The following RSPO3 variants were observed in gnomAD, a reference collection of about 807,000 sequenced individuals.
RSPO3 encodes the protein R-spondin 3.
In RSPO3, 17 loss-of-function variants were observed where a neutral mutation model predicts 36.5. The ratio of observed to expected loss-of-function variants is 0.47; its 90% CI spans 0.32 to 0.70. RSPO3 has a LOEUF of 0.70. Among genes scored for constraint, RSPO3 ranks in the 30% least tolerant of loss-of-function variants. The probability of loss-of-function intolerance (pLI) is 0.04; values close to 1 mark genes in which losing one functional copy is unlikely to be tolerated. For synonymous variants in RSPO3, 108 were observed against 107.0 expected (o/e 1.01, Z -0.06); for missense variants, 294 against 322.5 (o/e 0.91, Z 0.68).
intron 4 of RSPO3, among the ~76,000 whole-genome samples, chr6:127,174,986 T>C (rs1775021810): frequency 6.6e-6 from 1 of 151,714 alleles, no homozygotes; most frequent in African/African-American, 2.4e-5. Context: ...ACTTCTTTCA[T>C]TTATATCCCT....
intron 1 of RSPO3, among the ~76,000 whole-genome samples, chr6:127,130,907 G>A (rs1035292237): frequency 2.0e-5 from 3 of 151,976 alleles, no homozygotes; most frequent in Non-Finnish European, 2.9e-5. Flanking sequence ...TCCAAACATG[G>A]TATCCTTAGC....
chr6:127,149,452 C>T (rs1582795473), intron 2 of RSPO3, among the ~76,000 whole-genome samples: 1 of 152,028 alleles, frequency 6.6e-6, no homozygotes, highest in African/African-American at 2.4e-5. Context: ...CACCTCAAGC[C>T]TTTGCAATTG....
chr6:127,139,878 T>A (rs1280815382), intron 1 of RSPO3, among the ~76,000 whole-genome samples: 1 of 152,038 alleles, frequency 6.6e-6, no homozygotes, highest in Non-Finnish European at 1.5e-5. Flanking sequence ...TTCAGTACCT[T>A]ACATTTTACA....
In RSPO3 at chr6:127,150,523, C is replaced by T; in HGVS notation, c.387C>T (p.Cys129=). ...ACCTTGGAAAGTGCCTTGACAATTG[C>T]CCAGAAGGGTTGGAAGCCAACAACC... ...YLHLGKCLDN[C]PEGLEANNHT... The change falls in exon 3 of 5, where the codon TGC becomes TGT. Residue 129 remains cysteine, a synonymous_variant. Transcript: ENST00000356698. 1 of 1,611,946 alleles carries T rather than the reference C, an allele frequency of 6.2e-7. No individual in the cohort carries two copies. Among genetic ancestry groups the T allele is most frequent in the East Asian group, 2.2e-5 (1 of 44,756 alleles).
At chr6:127,167,766 C>G (rs1480575169) in intron 4 of RSPO3, among the ~76,000 whole-genome samples, 8 of 152,008 alleles carry the variant, frequency 5.3e-5, no homozygotes, top group Admixed American at 4.6e-4. Flanking sequence ...CCCCATCCCC[C>G]CATCCCACAA....
chr6:127,155,876 G>GTA (rs35711172), intron 4 of RSPO3, among the ~76,000 whole-genome samples: 1,857 of 148,154 alleles, frequency 0.013, 22 homozygotes, highest in African/African-American at 0.038. Flanking sequence ...GTAGCTAAGT[G>GTA]TATATATATA....
chr6:127,186,388 G>C (rs1452475611), intron 4 of RSPO3, among the ~76,000 whole-genome samples: 1 of 152,108 alleles, frequency 6.6e-6, no homozygotes, highest in Admixed American at 6.5e-5. Context: ...AGTCATGAGA[G>C]GAATATGTAA....
intron 1 of RSPO3, among the ~76,000 whole-genome samples, chr6:127,131,685 T>C (rs1421410270): frequency 6.6e-6 from 1 of 152,134 alleles, no homozygotes; most frequent in Non-Finnish European, 1.5e-5. Flanking sequence ...AGTTAATTTA[T>C]AAAACAGTGC....
At position 127,119,290 on chromosome 6, in the gene RSPO3, G is replaced by GT. The variant is rs1773785288; in HGVS notation, c.97+2dup. On this transcript the variant is annotated splice_donor_variant, in intron 1 of 4. Transcript: ENST00000356698. LOFTEE classifies it high-confidence loss of function. Reference sequence around the variant, plus strand: ...TCCCGGGGAAGGCGCCAGCGAAGAAGTAAGTGCAGGGTTTTTTACGCGTTT... The same window carrying GT: ...TCCCGGGGAAGGCGCCAGCGAAGAAGTTAAGTGCAGGGTTTTTTACGCGTTT... 2 of 1,610,324 alleles carry GT rather than the reference G, an allele frequency of 1.2e-6. No homozygotes were observed. Among genetic ancestry groups the GT allele is most frequent in the Non-Finnish European group, 1.7e-6 (2 of 1,177,052 alleles).
intron 1 of RSPO3, among the ~76,000 whole-genome samples, chr6:127,139,042 G>A (rs1235260264): frequency 6.6e-6 from 1 of 152,080 alleles, no homozygotes; most frequent in Non-Finnish European, 1.5e-5. Flanking sequence ...ACTTACAAAG[G>A]TGCATGTATA....
At chr6:127,145,029 G>A (rs1774354905) in intron 1 of RSPO3, among the ~76,000 whole-genome samples, 1 of 152,018 alleles carries the variant, frequency 6.6e-6, no homozygotes, top group Admixed American at 6.6e-5. Context: ...ATCACTCTCT[G>A]GATATTTCAT....
chr6:127,165,961 C>T (rs1467425296), intron 4 of RSPO3, among the ~76,000 whole-genome samples: 1 of 151,944 alleles, frequency 6.6e-6, no homozygotes, highest in Admixed American at 6.6e-5. Context: ...CTCACTCTCC[C>T]TCAGTCCAGT....
intron 1 of RSPO3, among the ~76,000 whole-genome samples, chr6:127,127,819 TTCTTTATCC>T (rs1392195495): frequency 2.6e-5 from 4 of 152,054 alleles, no homozygotes. Context: ...TCCTCCTTCT[TTCTTTATCC>T]TCATTTAACA....
rs1229945925 is a variant in RSPO3 at position 127,197,328 on chromosome 6, G to T, written c.*1321G>T. Reference sequence around the variant, plus strand: ...CTGATTTCACTGCTCCCCCTTCATTGCTTAGAAATGGGCATCATTTCTTGT... The same window carrying T: ...CTGATTTCACTGCTCCCCCTTCATTTCTTAGAAATGGGCATCATTTCTTGT... On this transcript the variant is annotated 3_prime_UTR_variant, in exon 5 of 5. Coordinates refer to ENST00000356698, the MANE Select transcript of RSPO3 (RefSeq NM_032784.5). The T allele has an allele frequency of 1.4e-6, 2 of 1,468,608 alleles. No homozygotes were observed. The highest frequency in any genetic ancestry group is 1.8e-4 in the Middle Eastern group (1 of 5,700). 91.0% of individuals were successfully genotyped at this position (1,468,608 alleles called of 1,614,324 possible).
Position 127,196,113 on chromosome 6 carries a change from C to A in RSPO3, c.*106C>A. 1 of 942,050 alleles carries A rather than the reference C, an allele frequency of 1.1e-6. No homozygotes were observed. Among genetic ancestry groups the A allele is most frequent in the Non-Finnish European group, 1.5e-6 (1 of 654,398 alleles). The allele number at this position is 942,050 out of a possible 1,614,324, so 58.4% of individuals were successfully genotyped here. A position where few individuals can be genotyped will look rare whatever the true frequency, so the allele number is the denominator to read the frequency against. ...CCACAAATGGACATGTCAGTTATTG[C>A]TCTGTCTAAACAACATTCCCAGTAG... On this transcript the variant is annotated 3_prime_UTR_variant, in exon 5 of 5. Transcript: ENST00000356698.
chr6:127,191,390 G>T (rs1326139560), intron 4 of RSPO3, among the ~76,000 whole-genome samples: 2 of 151,980 alleles, frequency 1.3e-5, no homozygotes, highest in African/African-American at 4.8e-5. Flanking sequence ...CAGGTTCTTG[G>T]GCCCCTCATA....
chr6:127,143,448 G>A (rs947266920), intron 1 of RSPO3, among the ~76,000 whole-genome samples: 1 of 152,176 alleles, frequency 6.6e-6, no homozygotes, highest in Non-Finnish European at 1.5e-5. Flanking sequence ...AGTGAATGTT[G>A]TGCAGACAAG....
At chr6:127,192,973 C>T (rs1351935305) in intron 4 of RSPO3, among the ~76,000 whole-genome samples, 8 of 152,138 alleles carry the variant, frequency 5.3e-5, no homozygotes, top group African/African-American at 1.7e-4. Context: ...TACAGCCACT[C>T]TTGTGTATTT....
chr6:127,159,320 A>G (rs1358929893), intron 4 of RSPO3, among the ~76,000 whole-genome samples: 1 of 152,200 alleles, frequency 6.6e-6, no homozygotes, highest in Non-Finnish European at 1.5e-5. Flanking sequence ...TACAAAAAAG[A>G]TTCTTATTAA....
Sources: allele counts gnomAD v4.1 joint callset (sites outside exome capture counted in the v4.1 genomes callset), GRCh38; gene constraint gnomAD v4.1.1; transcripts MANE v1.5; gene names NCBI Gene and HGNC (gene_info 2026-07-23, HGNC 2026-07-21).